The following GALNT10 variants were observed in gnomAD, a reference collection of about 807,000 sequenced individuals.
GALNT10 encodes the protein GalNAc transferase 10.
In GALNT10, 41 loss-of-function variants were observed where a neutral mutation model predicts 75.0. The ratio of observed to expected loss-of-function variants is 0.55; its 90% CI spans 0.43 to 0.71. The LOEUF is 0.71. Among genes scored for constraint, GALNT10 ranks in the 30% least tolerant of loss-of-function variants. GALNT10 has a pLI of 0.00. For synonymous variants in GALNT10, 302 were observed against 313.0 expected, an observed-to-expected ratio of 0.96 and a Z score of 0.37; for missense variants, 727 against 818.5, an observed-to-expected ratio of 0.89 and a Z score of 1.36.
chr5:154,409,585 G>T lies in GALNT10; in HGVS notation c.1209G>T (p.Glu403Asp), dbSNP rs772113975. The change falls in exon 9 of 12, where the codon GAG (glutamate) becomes GAT (aspartate). Residue 403 changes from glutamate to aspartate, a missense_variant. Physicochemically the swap from Glu to Asp is conservative, Grantham distance 45. Coordinates refer to ENST00000297107, the MANE Select transcript of GALNT10 (RefSeq NM_198321.4). The surrounding 1 kb of genome is among the most constrained non-coding windows in gnomAD (Gnocchi z 4.5). Reference sequence around the variant, plus strand: ...AAGTGTGGATGGATGAGTACGCAGAGTACATTTACCAGCGCCGGCCTGAAT... The same window carrying T: ...AAGTGTGGATGGATGAGTACGCAGATTACATTTACCAGCGCCGGCCTGAAT... ...VAEVWMDEYA[E>D]YIYQRRPEYR... is the part of the protein sequence containing the mutation. 1.4e-5 allele frequency: 23 copies of T among 1,614,096 alleles called. No individual in the cohort carries two copies. The highest frequency in any genetic ancestry group is 1.9e-5 in the Non-Finnish European group (23 of 1,179,938).
chr5:154,362,956 TCTAAC>T (rs1457568746), intron 4 of GALNT10, among the ~76,000 whole-genome samples: 1 of 152,194 alleles, frequency 6.6e-6, no homozygotes, highest in Non-Finnish European at 1.5e-5. Context: ...AGCCCAGTGT[TCTAAC>T]CTACCAACCG....
At chr5:154,410,799 C>G (rs148781267) in intron 9 of GALNT10, among the ~76,000 whole-genome samples, 1 of 152,332 alleles carries the variant, frequency 6.6e-6, no homozygotes, top group East Asian at 1.9e-4. Context: ...GCAGACAGGG[C>G]AGAGAGGAAC....
At chr5:154,217,565 A>T (rs905256483) in intron 1 of GALNT10, among the ~76,000 whole-genome samples, 4 of 152,126 alleles carry the variant, frequency 2.6e-5, no homozygotes, top group African/African-American at 7.2e-5. Context: ...AGTGGAAGAG[A>T]TGGAGAGAGT....
rs189012436 is a variant in GALNT10, at chr5:154,203,019, C to T, written c.159+11994C>T. Reference sequence around the variant, plus strand: ...GGCACGTTAAGAAGGCTGCCAAGTGCCAAGCCAGAGGTATTAAAGGGACAT... The same window carrying T: ...GGCACGTTAAGAAGGCTGCCAAGTGTCAAGCCAGAGGTATTAAAGGGACAT... On this transcript the variant is annotated intron_variant, in intron 1 of 11. Coordinates refer to ENST00000297107, the MANE Select transcript of GALNT10 (RefSeq NM_198321.4). Among the ~76,000 whole-genome samples the T allele has an allele frequency of 3.3e-5, 5 of 152,344 alleles. No homozygotes were observed. The East Asian group carries it at 9.6e-4, about 29-fold the overall frequency.
At position 154,380,494 on chromosome 5, in the gene GALNT10, T is replaced by A. The variant is rs200328783; in HGVS notation, c.801T>A (p.Asp267Glu). Residue 267 changes from aspartate to glutamate, a missense_variant, in exon 6 of 12, where the codon GAT (aspartate) becomes GAA (glutamate). By Grantham distance (45) the Asp-to-Glu change is conservative. Transcript: ENST00000297107. ...NRKTIVCPMI[D>E]VIDHDDFRYE... is the part of the protein sequence containing the mutation. ...AGACCATTGTGTGCCCGATGATTGA[T>A]GTAATTGACCATGACGACTTTCGGT... is the stretch of plus-strand genomic sequence containing the variant. The A allele has an allele frequency of 6.2e-7, 1 of 1,614,118 alleles. No individual in the cohort carries two copies. Among genetic ancestry groups the A allele is most frequent in the Non-Finnish European group, 8.5e-7 (1 of 1,180,008 alleles).
chr5:154,334,792 T>C (rs1330972965), intron 4 of GALNT10, among the ~76,000 whole-genome samples: 1 of 152,212 alleles, frequency 6.6e-6, no homozygotes, highest in African/African-American at 2.4e-5. Context: ...TGTTGAAAAG[T>C]TGTTGCAGTG....
At position 154,409,503 on chromosome 5, in the gene GALNT10, TG is replaced by T; in HGVS notation, c.1165-36del. 7.2e-7 allele frequency: 1 copy of T among 1,394,970 alleles called. No homozygotes were observed. The highest frequency in any genetic ancestry group is 1.2e-5 in the South Asian group (1 of 86,876). 86.4% of individuals were successfully genotyped at this position (1,394,970 alleles called of 1,614,324 possible). ...ACCCCACTGCCTGGCTTTGGCTTCT[TG>T]GAAAGACTGACCCCTCCATTGCTTC... is the stretch of plus-strand genomic sequence containing the variant. On this transcript the variant is annotated intron_variant, in intron 8 of 11. Coordinates refer to ENST00000297107, the MANE Select transcript of GALNT10 (RefSeq NM_198321.4). This position sits in a 1 kb window ranked among gnomAD's most constrained non-coding sequence, Gnocchi z 4.5.
chr5:154,411,068 C>T (rs1582019679), intron 9 of GALNT10, among the ~76,000 whole-genome samples: 2 of 152,164 alleles, frequency 1.3e-5, no homozygotes, highest in South Asian at 2.1e-4. Flanking sequence ...AGAGGACCTA[C>T]CCATTCATTG....
At chr5:154,356,680 A>G (rs1755302793) in intron 4 of GALNT10, among the ~76,000 whole-genome samples, 1 of 152,214 alleles carries the variant, frequency 6.6e-6, no homozygotes, top group Non-Finnish European at 1.5e-5. Context: ...AGACCCTGGG[A>G]GAACCTGGGC....
chr5:154,339,801 T>C (rs113708988), intron 4 of GALNT10, among the ~76,000 whole-genome samples: 2,090 of 152,324 alleles, frequency 0.014, 45 homozygotes, highest in African/African-American at 0.046. Context: ...TCTAACCTTT[T>C]CCACTGTTTT....
At chr5:154,256,292 A>T (rs536145004) in intron 1 of GALNT10, among the ~76,000 whole-genome samples, 15 of 151,438 alleles carry the variant, frequency 9.9e-5, no homozygotes, top group African/African-American at 3.4e-4. Flanking sequence ...TTTGACAGAA[A>T]CTGGACATTT....
rs1581972072 is a variant in GALNT10, at chr5:154,320,762, C to A, written c.402-8810C>A. Among the ~76,000 whole-genome samples the A allele has an allele frequency of 2.0e-5, 3 of 152,054 alleles. No individual in the cohort carries two copies. In the East Asian group the frequency reaches 5.8e-4, roughly 29 times the overall value. ...TGTGTGGGGACTGGATAAAAAGAGG[C>A]CAGCAAGATGGTAAAGCAAGAGAGG... On this transcript the variant is annotated intron_variant, in intron 3 of 11. Transcript: ENST00000297107.
At chr5:154,331,257 C>T (rs898170017) in intron 4 of GALNT10, among the ~76,000 whole-genome samples, 11 of 152,058 alleles carry the variant, frequency 7.2e-5, no homozygotes, top group African/African-American at 2.7e-4. Context: ...AGTACTTCCA[C>T]CCTGGAAGTA....
intron 1 of GALNT10, among the ~76,000 whole-genome samples, chr5:154,272,191 C>T (rs1411052447): frequency 2.6e-5 from 4 of 152,116 alleles, no homozygotes; most frequent in African/African-American, 7.2e-5. Context: ...CGCCAAGAAG[C>T]GCTCCCCAAC....
intron 3 of GALNT10, among the ~76,000 whole-genome samples, chr5:154,305,455 C>T (rs1754420389): frequency 6.6e-6 from 1 of 152,164 alleles, no homozygotes; most frequent in South Asian, 2.1e-4. Context: ...CAAATACATG[C>T]TCCCTGCAAG....
chr5:154,213,384 T>G (rs1377738781), intron 1 of GALNT10, among the ~76,000 whole-genome samples: 1 of 152,178 alleles, frequency 6.6e-6, no homozygotes, highest in Non-Finnish European at 1.5e-5. Flanking sequence ...CTCTGTTTTA[T>G]GTCCATGAGG....
chr5:154,262,146 T>C (rs972424607), intron 1 of GALNT10, among the ~76,000 whole-genome samples: 8 of 152,200 alleles, frequency 5.3e-5, no homozygotes, highest in Non-Finnish European at 7.3e-5. Flanking sequence ...ACTGACAGTA[T>C]CCTGCCTAGA....
At chr5:154,353,034 C>G (rs144515561) in intron 4 of GALNT10, among the ~76,000 whole-genome samples, 13 of 152,272 alleles carry the variant, frequency 8.5e-5, no homozygotes, top group Non-Finnish European at 1.6e-4. Context: ...CTCCCCAAGT[C>G]CAGAAGAGTT....
chr5:154,351,422 G>T (rs1349072983), intron 4 of GALNT10, among the ~76,000 whole-genome samples: 1 of 152,128 alleles, frequency 6.6e-6, no homozygotes, highest in East Asian at 1.9e-4. Flanking sequence ...AATACCCATG[G>T]TTATTTCTAG....
Sources: gnomAD v4.1 joint callset for allele counts (sites outside exome capture counted in the v4.1 genomes callset) on GRCh38, gnomAD v4.1.1 for gene constraint, Gnocchi (gnomAD v3.1) non-coding constraint, MANE v1.5 for transcripts, NCBI Gene and HGNC (gene_info 2026-07-23, HGNC 2026-07-21) for gene names.